Variants in ZCCHC2 observed in about 807,000 individuals in gnomAD.
The protein encoded by ZCCHC2 is zinc finger CCHC-type containing 2.
A neutral mutation model predicts 103.6 loss-of-function variants in ZCCHC2; 39 were observed. That is an observed-to-expected ratio of 0.38 (90% confidence interval 0.29 to 0.49). The LOEUF (loss-of-function observed/expected upper bound fraction) is 0.49. ZCCHC2 is among the 20% of genes least tolerant of loss of function. The pLI, the probability that ZCCHC2 is intolerant of heterozygous loss-of-function variation, is 0.96. For synonymous variants in ZCCHC2, 687 were observed against 608.9 expected (o/e 1.13, Z -1.89); for missense variants, 1,483 against 1,491.0 (o/e 0.99, Z 0.09).
At chr18:62,569,081 T>G (rs1916486381) in intron 11 of ZCCHC2, among the ~76,000 whole-genome samples, 1 of 152,224 alleles carries the variant, frequency 6.6e-6, no homozygotes, top group African/African-American at 2.4e-5. Context: ...CAGTTTGACA[T>G]TTATTACTCA....
intron 8 of ZCCHC2, 51 bp from the exon 9 acceptor site, chr18:62,562,958 G>A (rs17668713): frequency 6.4e-7 from 1 of 1,565,654 alleles, no homozygotes; most frequent in Non-Finnish European, 8.7e-7. Context: ...AAATGAAATA[G>A]GTTATTATTG....
chr18:62,528,140 TTGAA>T (rs1364816130), intron 1 of ZCCHC2, among the ~76,000 whole-genome samples: 4 of 152,224 alleles, frequency 2.6e-5, no homozygotes, highest in Non-Finnish European at 5.9e-5. Context: ...GTACTAATGT[TTGAA>T]TGAAAGATAA....
chr18:62,561,426 A>C (rs1210612980), intron 8 of ZCCHC2, among the ~76,000 whole-genome samples: 1 of 152,178 alleles, frequency 6.6e-6, no homozygotes, highest in South Asian at 2.1e-4. Flanking sequence ...TTTCTTACTC[A>C]TACCACATTA....
Position 62,523,481 on chromosome 18 carries a change from G to A in ZCCHC2, c.57G>A (p.Glu19=). The change falls in exon 1 of 14, where the codon GAG becomes GAA. Residue 19 remains glutamate, a synonymous_variant. Coordinates refer to ENST00000269499, the MANE Select transcript of ZCCHC2 (RefSeq NM_017742.6). ...CGCACCCCGCGGAGCCGCCGCCCGA[G>A]GCGGAGGAGCCCGAGGCGGACGCGC... ...KPTHPAEPPP[E]AEEPEADARP... 1 of 1,068,172 alleles carries A rather than the reference G, an allele frequency of 9.4e-7. No individual in the cohort carries two copies. The highest frequency in any genetic ancestry group is 1.1e-6 in the Non-Finnish European group (1 of 873,474). 66.2% of individuals were successfully genotyped at this position (1,068,172 alleles called of 1,614,324 possible).
At chr18:62,556,094 T>A (rs1445263045) in intron 5 of ZCCHC2, 109 bp from the exon 6 acceptor site, 3 of 763,500 alleles carry the variant, frequency 3.9e-6, no homozygotes, top group Non-Finnish European at 6.3e-6. Context: ...AAAATATTTT[T>A]CCATACCTGA....
chr18:62,560,472 G>C, intron 7 of ZCCHC2, 115 bp from the exon 8 acceptor site: 2 of 757,142 alleles, frequency 2.6e-6, no homozygotes, highest in South Asian at 2.1e-5. Flanking sequence ...GAAATGCTTA[G>C]AAGTGCTTCA....
chr18:62,544,267 A>G (rs370906741), intron 3 of ZCCHC2, among the ~76,000 whole-genome samples: 7 of 152,196 alleles, frequency 4.6e-5, no homozygotes, highest in African/African-American at 1.7e-4. Context: ...CTCAAAATGG[A>G]AGTCATCATA....
chr18:62,556,183 T>C lies in ZCCHC2; in HGVS notation c.1314-20T>C. 1 of 1,564,876 alleles carries C rather than the reference T, an allele frequency of 6.4e-7. No homozygotes were observed. The highest frequency in any genetic ancestry group is 8.7e-7 in the Non-Finnish European group (1 of 1,151,794). On this transcript the variant is annotated intron_variant, in intron 5 of 13. Coordinates refer to ENST00000269499, the MANE Select transcript of ZCCHC2 (RefSeq NM_017742.6). ...TAACATTACCTGAAATTAACAAATC[T>C]CTTTTCTTTTTATGTGCAGGCAGCT...
In ZCCHC2 at chr18:62,523,376, G is replaced by GCCCCC; in HGVS notation, c.-45_-44insCCCCC. ...GCCTCGGCCCGTGCTCCACCTCGCGGCCCCTCCCGCCCGCCCCCGCTCGCA... is the reference window on the plus strand; with the variant it reads ...GCCTCGGCCCGTGCTCCACCTCGCGGCCCCCCCCCTCCCGCCCGCCCCCGCTCGCA... On this transcript the variant is annotated 5_prime_UTR_variant, in exon 1 of 14. Coordinates refer to ENST00000269499, the MANE Select transcript of ZCCHC2 (RefSeq NM_017742.6). 3.0e-6 allele frequency: 3 copies of GCCCCC among 1,012,350 alleles called. No individual in the cohort carries two copies. The highest frequency in any genetic ancestry group is 3.5e-6 in the Non-Finnish European group (3 of 848,986). 62.7% of individuals were successfully genotyped at this position (1,012,350 alleles called of 1,614,324 possible).
rs1598943958 is a variant in ZCCHC2 at position 62,548,454 on chromosome 18, C to T, written c.1201-1894C>T. Among the ~76,000 whole-genome samples, 8 of 152,280 alleles carry T rather than the reference C, an allele frequency of 5.3e-5. 2 individuals carry two copies. Among genetic ancestry groups the T allele is most frequent in the African/African-American group, 1.9e-4 (8 of 41,530 alleles). ...TGCCTTCAGTGTTTAGTTCAACCAT[C>T]AGTGATTTGGTAGTTGAAATAGACT... On this transcript the variant is annotated intron_variant, in intron 4 of 13. Transcript: ENST00000269499.
At chr18:62,533,010 A>G (rs1328416324) in intron 1 of ZCCHC2, among the ~76,000 whole-genome samples, 1 of 152,200 alleles carries the variant, frequency 6.6e-6, no homozygotes, top group Non-Finnish European at 1.5e-5. Flanking sequence ...CCCTGGAGGC[A>G]GAGGCTGCAG....
chr18:62,544,071 A>G (rs1048927666), intron 3 of ZCCHC2, among the ~76,000 whole-genome samples: 1 of 152,224 alleles, frequency 6.6e-6, no homozygotes, highest in African/African-American at 2.4e-5. Flanking sequence ...GCATAGTGCA[A>G]ATATTTATTT....
At chr18:62,528,147 A>G (rs1914517556) in intron 1 of ZCCHC2, among the ~76,000 whole-genome samples, 1 of 152,242 alleles carries the variant, frequency 6.6e-6, no homozygotes, top group Non-Finnish European at 1.5e-5. Context: ...TGTTTGAATG[A>G]AAGATAAAAA....
At chr18:62,533,717 C>T (rs1914793298) in intron 1 of ZCCHC2, among the ~76,000 whole-genome samples, 1 of 151,396 alleles carries the variant, frequency 6.6e-6, no homozygotes, top group East Asian at 1.9e-4. Flanking sequence ...AAAAAAAATA[C>T]AAAAATTAGC....
intron 5 of ZCCHC2, among the ~76,000 whole-genome samples, chr18:62,555,934 A>G (rs1915866474): frequency 6.6e-6 from 1 of 152,168 alleles, no homozygotes; most frequent in Non-Finnish European, 1.5e-5. Flanking sequence ...GAAATAATAC[A>G]TTTTTGGGCC....
chr18:62,541,557 C>T (rs1915181235), intron 2 of ZCCHC2, among the ~76,000 whole-genome samples: 2 of 46,838 alleles, frequency 4.3e-5, no homozygotes, highest in African/African-American at 5.0e-4. Flanking sequence ...CAACAGTGTA[C>T]CCCCCACACC....
Position 62,523,362 on chromosome 18 carries a change from T to A in ZCCHC2, c.-63T>A, listed in dbSNP as rs1054884890. On this transcript the variant is annotated 5_prime_UTR_variant, in exon 1 of 14. Transcript: ENST00000269499. ...ACGGCCGCGCCGCCGCCTCGGCCCG[T>A]GCTCCACCTCGCGGCCCCTCCCGCC... 10 of 1,002,236 alleles carry A rather than the reference T, an allele frequency of 1.0e-5. No homozygotes were observed. The highest frequency in any genetic ancestry group is 1.2e-5 in the Non-Finnish European group (10 of 842,868). 62.1% of individuals were successfully genotyped at this position (1,002,236 alleles called of 1,614,324 possible).
intron 12 of ZCCHC2, 136 bp downstream of exon 12, chr18:62,570,367 TAA>T: frequency 2.7e-6 from 3 of 1,108,602 alleles, no homozygotes; most frequent in Non-Finnish European, 3.9e-6. Flanking sequence ...ATTTTAAATG[TAA>T]AGTCGTTATA....
intron 4 of ZCCHC2, among the ~76,000 whole-genome samples, chr18:62,547,413 T>C (rs1254273629): frequency 6.6e-6 from 1 of 152,122 alleles, no homozygotes; most frequent in Non-Finnish European, 1.5e-5. Context: ...TAGACCCCAT[T>C]GACCTGTACT....
Sources: gnomAD v4.1 joint callset for allele counts (sites outside exome capture counted in the v4.1 genomes callset) on GRCh38, gnomAD v4.1.1 for gene constraint, MANE v1.5 for transcripts, NCBI Gene and HGNC (gene_info 2026-07-23, HGNC 2026-07-21) for gene names.